Variants in HMGCLL1 observed in about 807,000 individuals in gnomAD.
The protein encoded by HMGCLL1 is 3-hydroxy-3-methylglutaryl-CoA lyase like 1.
Under a neutral mutation model 39.1 loss-of-function variants are expected in HMGCLL1, and 36 were observed. That is an observed-to-expected ratio of 0.92 (90% CI 0.71 to 1.22). The LOEUF (loss-of-function observed/expected upper bound fraction) is 1.22. HMGCLL1 is among the 50% of genes most tolerant of loss of function. The pLI is 0.00. For missense variants in HMGCLL1, 451 were observed against 416.5 expected, an observed-to-expected ratio of 1.08 and a Z score of -0.72; for synonymous variants, 149 against 144.0, an observed-to-expected ratio of 1.03 and a Z score of -0.25.
At position 55,439,512 on chromosome 6, in the gene HMGCLL1, G is replaced by A. The variant is rs550221893; in HGVS notation, c.843C>T (p.Cys281=). The A allele has an allele frequency of 6.2e-7, 1 of 1,612,936 alleles. No homozygotes were observed. The highest frequency in any genetic ancestry group is 2.2e-5 in the East Asian group (1 of 44,854). The change falls in exon 8 of 9, where the codon TGC becomes TGT. Residue 281 remains cysteine (C), a synonymous_variant. Coordinates refer to ENST00000274901, the MANE Select transcript of HMGCLL1 (RefSeq NM_001042406.2). ...TCCCAGAAGCACCTTTTGCATAAGG[G>A]CAGCCACCTAATCCGGATACTGCGG... is the stretch of plus-strand genomic sequence containing the variant. ...VDSAVSGLGG[C]PYAKGASGNV... is the part of the protein sequence containing the mutation.
the HMGCLL1 span, among the ~76,000 whole-genome samples, chr6:55,586,811 T>C: frequency 6.6e-6 from 1 of 152,000 alleles, no homozygotes; most frequent in Non-Finnish European, 1.5e-5. Context: ...GACATTTGGG[T>C]TGGTTCCAAG....
chr6:55,523,747 A>G (rs1768160793), intron 3 of HMGCLL1, among the ~76,000 whole-genome samples: 1 of 151,934 alleles, frequency 6.6e-6, no homozygotes, highest in Non-Finnish European at 1.5e-5. Context: ...AATGTCCTAC[A>G]CTAACTGGCA....
intron 1 of HMGCLL1, among the ~76,000 whole-genome samples, chr6:55,574,527 G>A (rs1771671271): frequency 1.3e-5 from 2 of 148,740 alleles, no homozygotes; most frequent in South Asian, 2.1e-4. Context: ...GTAAAAAAAA[G>A]TATATCACTA....
chr6:55,470,567 T>C (rs1765002521), intron 7 of HMGCLL1, among the ~76,000 whole-genome samples: 2 of 151,876 alleles, frequency 1.3e-5, no homozygotes, highest in Non-Finnish European at 2.9e-5. Context: ...CTACCATTAA[T>C]ATAACAATTA....
At chr6:55,573,391 G>T (rs774354938) in intron 1 of HMGCLL1, among the ~76,000 whole-genome samples, 3 of 152,146 alleles carry the variant, frequency 2.0e-5, no homozygotes, top group Non-Finnish European at 2.9e-5. Flanking sequence ...ACTAACTGGA[G>T]ATCTGGATAT....
chr6:55,492,736 G>A (rs765763874), intron 7 of HMGCLL1, among the ~76,000 whole-genome samples: 2 of 152,164 alleles, frequency 1.3e-5, no homozygotes, highest in Non-Finnish European at 2.9e-5. Flanking sequence ...TCTTATCCAT[G>A]TATTTACACT....
intron 7 of HMGCLL1, among the ~76,000 whole-genome samples, chr6:55,487,344 T>A (rs4441953): frequency 4.6e-5 from 7 of 151,854 alleles, no homozygotes. Context: ...ATGTGCAGAA[T>A]GTGCAGTTTT....
chr6:55,531,013 C>T (rs938809411), intron 3 of HMGCLL1, among the ~76,000 whole-genome samples: 1 of 152,128 alleles, frequency 6.6e-6, no homozygotes, highest in Non-Finnish European at 1.5e-5. Context: ...AAAATAAGTA[C>T]TGCTAGAAAA....
At chr6:55,543,937 C>T (rs1561952107) in intron 1 of HMGCLL1, among the ~76,000 whole-genome samples, 1 of 152,038 alleles carries the variant, frequency 6.6e-6, no homozygotes, top group Non-Finnish European at 1.5e-5. Flanking sequence ...ATACAGGATG[C>T]CACCCTCTCT....
At chr6:55,614,387 A>G in the HMGCLL1 span, among the ~76,000 whole-genome samples, 1 of 152,148 alleles carries the variant, frequency 6.6e-6, no homozygotes, top group South Asian at 2.1e-4. Context: ...CAAATCAGGA[A>G]GAAGGCCCTC....
chr6:55,525,535 G>A (rs1303986490), intron 3 of HMGCLL1, among the ~76,000 whole-genome samples: 6 of 151,890 alleles, frequency 4.0e-5, no homozygotes, highest in African/African-American at 1.4e-4. Context: ...GAGTTACTGA[G>A]ACTCAAAGCT....
chr6:55,513,819 G>A, intron 5 of HMGCLL1: 1 of 511,268 alleles, frequency 2.0e-6, no homozygotes, highest in Non-Finnish European at 3.4e-6. Flanking sequence ...TTGCATGCTA[G>A]TTCCTCTGAT....
chr6:55,625,568 G>A, the HMGCLL1 span, among the ~76,000 whole-genome samples: 2 of 152,106 alleles, frequency 1.3e-5, no homozygotes, highest in African/African-American at 4.8e-5. Flanking sequence ...CAGCACTACA[G>A]CCCCTTTCTA....
intron 7 of HMGCLL1, among the ~76,000 whole-genome samples, chr6:55,488,259 T>C (rs545349204): frequency 3.3e-5 from 5 of 152,186 alleles, no homozygotes; most frequent in East Asian, 1.9e-4. Context: ...GAAAAGTCTT[T>C]AGTAGATGTA....
intron 1 of HMGCLL1, among the ~76,000 whole-genome samples, chr6:55,542,530 A>C (rs1302516344): frequency 6.6e-6 from 1 of 151,920 alleles, no homozygotes; most frequent in African/African-American, 2.4e-5. Flanking sequence ...CTGTAATCCC[A>C]ACACATTGGG....
chr6:55,570,383 C>G (rs1771418273), intron 1 of HMGCLL1, among the ~76,000 whole-genome samples: 1 of 152,150 alleles, frequency 6.6e-6, no homozygotes. Flanking sequence ...TCAAGGAGAG[C>G]CTGCTTAGTC....
At chr6:55,492,890 A>C (rs551942458) in intron 7 of HMGCLL1, among the ~76,000 whole-genome samples, 2 of 152,156 alleles carry the variant, frequency 1.3e-5, no homozygotes, top group Non-Finnish European at 2.9e-5. Flanking sequence ...ACAGATCCTC[A>C]GATCCTGACA....
chr6:55,521,811 G>A lies in HMGCLL1; in HGVS notation c.298-5208C>T, dbSNP rs193265807. Among the ~76,000 whole-genome samples the A allele has an allele frequency of 7.8e-4, 119 of 152,144 alleles. 1 individual carries two copies. The highest frequency in any genetic ancestry group is 1.3e-3 in the Non-Finnish European group (90 of 67,990). ...GCCTGTAATGTTCAAGTGAAAGGAAGACTCACATATCTCTCACTTTAAATC... is the reference window on the plus strand; with the variant it reads ...GCCTGTAATGTTCAAGTGAAAGGAAAACTCACATATCTCTCACTTTAAATC... On this transcript the variant is annotated intron_variant, in intron 3 of 8. Transcript: ENST00000274901.
At position 55,461,127 on chromosome 6, in the gene HMGCLL1, G is replaced by A. The variant is rs138953600; in HGVS notation, c.796-21568C>T. On this transcript the variant is annotated intron_variant, in intron 7 of 8. Transcript: ENST00000274901. ...TATCAAATAGCATCTATTTTGGAGTGCTTTGTTGACAAGCAATGTGAACAT... is the reference window on the plus strand; with the variant it reads ...TATCAAATAGCATCTATTTTGGAGTACTTTGTTGACAAGCAATGTGAACAT... 2.0e-5 allele frequency among the ~76,000 whole-genome samples: 3 copies of A among 151,968 alleles called. No individual in the cohort carries two copies. In the East Asian group the frequency reaches 5.8e-4, roughly 29 times the overall value.
Sources: allele counts gnomAD v4.1 joint callset (sites outside exome capture counted in the v4.1 genomes callset), GRCh38; gene constraint gnomAD v4.1.1; transcripts MANE v1.5; gene names NCBI Gene and HGNC (gene_info 2026-07-23, HGNC 2026-07-21).